SEM1: variants seen among roughly 807,000 people sequenced by gnomAD.
The protein encoded by SEM1 is SEM1 26S proteasome subunit.
Under a neutral mutation model 12.7 loss-of-function variants are expected in SEM1, and 3 were observed. The observed-to-expected ratio is 0.24, with a 90% CI of 0.11 to 0.61. The LOEUF is 0.61. Among genes scored for constraint, SEM1 ranks in the 20% least tolerant of loss-of-function variants. The pLI, the probability that SEM1 is intolerant of heterozygous loss-of-function variation, is 0.88. For missense variants in SEM1, 59 were observed against 81.3 expected, an observed-to-expected ratio of 0.73 and a Z score of 1.06; for synonymous variants, 30 against 27.8, an observed-to-expected ratio of 1.08 and a Z score of -0.25.
intron 2 of SEM1, among the ~76,000 whole-genome samples, chr7:96,643,326 C>A (rs965843149): frequency 6.7e-5 from 10 of 150,242 alleles, no homozygotes; most frequent in Non-Finnish European, 1.3e-4. Context: ...TGTATACGTA[C>A]CATATTTTCT....
intron 2 of SEM1, among the ~76,000 whole-genome samples, chr7:96,581,305 G>C (rs181523328): frequency 5.9e-5 from 9 of 152,046 alleles, no homozygotes; most frequent in Non-Finnish European, 8.8e-5. Flanking sequence ...ATTTCTGAGG[G>C]CTCTGTCCTG....
chr7:96,632,951 G>T (rs1421512423), intron 2 of SEM1, among the ~76,000 whole-genome samples: 1 of 151,822 alleles, frequency 6.6e-6, no homozygotes, highest in Non-Finnish European at 1.5e-5. Context: ...TAATTTCTAA[G>T]CAAAGTTTGA....
chr7:96,707,382 G>A (rs552097139), intron 1 of SEM1, among the ~76,000 whole-genome samples: 3 of 152,272 alleles, frequency 2.0e-5, no homozygotes, highest in Admixed American at 6.5e-5. Flanking sequence ...CACCTTGTGG[G>A]ATGATTTTCT....
At chr7:96,708,979 A>G (rs1790558493) in intron 1 of SEM1, among the ~76,000 whole-genome samples, 1 of 152,194 alleles carries the variant, frequency 6.6e-6, no homozygotes, top group African/African-American at 2.4e-5. Flanking sequence ...GTTCTTTTAA[A>G]AAAATATTTT....
chr7:96,504,872 T>A (rs1389237048), intron 3 of SEM1, among the ~76,000 whole-genome samples: 2 of 151,820 alleles, frequency 1.3e-5, no homozygotes, highest in African/African-American at 4.8e-5. Context: ...GTAATTTACT[T>A]GTTGAAGACA....
intron 2 of SEM1, among the ~76,000 whole-genome samples, chr7:96,545,108 A>G (rs1427068022): frequency 4.6e-5 from 7 of 151,978 alleles, no homozygotes; most frequent in Non-Finnish European, 1.0e-4. Flanking sequence ...TCTGGATTTG[A>G]GGAGAATCAG....
At chr7:96,576,751 A>G (rs1033159817) in intron 2 of SEM1, among the ~76,000 whole-genome samples, 11 of 152,036 alleles carry the variant, frequency 7.2e-5, no homozygotes, top group Admixed American at 7.2e-4. Flanking sequence ...TTTAAATGCA[A>G]TTCTGAATTC....
At chr7:96,708,842 G>A (rs539991881) in intron 1 of SEM1, among the ~76,000 whole-genome samples, 4 of 152,020 alleles carry the variant, frequency 2.6e-5, no homozygotes, top group Non-Finnish European at 5.9e-5. Context: ...GCTATTACAA[G>A]TAAAGCACTT....
intron 2 of SEM1, among the ~76,000 whole-genome samples, chr7:96,532,641 C>A (rs1033173670): frequency 1.3e-5 from 2 of 152,104 alleles, no homozygotes; most frequent in Non-Finnish European, 2.9e-5. Context: ...TCTTCCATAA[C>A]ATGCTTAGCC....
intron 2 of SEM1, chr7:96,645,425 A>C (rs904442044): frequency 4.6e-6 from 1 of 215,348 alleles, no homozygotes; most frequent in African/African-American, 2.3e-5. Flanking sequence ...TCAGGGAAGT[A>C]TTTCCAAGGA....
intron 2 of SEM1, among the ~76,000 whole-genome samples, chr7:96,510,961 G>A (rs960565050): frequency 1.3e-5 from 2 of 152,098 alleles, no homozygotes; most frequent in African/African-American, 4.8e-5. Flanking sequence ...GGGCTGTCAT[G>A]AAGAGATTGC....
At chr7:96,650,264 T>C (rs1181653490) in intron 2 of SEM1, 2 of 450,614 alleles carry the variant, frequency 4.4e-6, no homozygotes, top group Non-Finnish European at 7.8e-6. Flanking sequence ...GAACAAACTA[T>C]GGGAAATTCC....
At chr7:96,690,561 T>C (rs1015924890) in intron 2 of SEM1, among the ~76,000 whole-genome samples, 2 of 151,694 alleles carry the variant, frequency 1.3e-5, no homozygotes, top group African/African-American at 2.4e-5. Flanking sequence ...AAGACAAAAA[T>C]AGAAAACCTC....
At chr7:96,554,079 C>T (rs1424523380) in intron 2 of SEM1, among the ~76,000 whole-genome samples, 1 of 151,556 alleles carries the variant, frequency 6.6e-6, no homozygotes, top group African/African-American at 2.4e-5. Flanking sequence ...TGCTTATCAG[C>T]TTAAGGAGAT....
intron 2 of SEM1, among the ~76,000 whole-genome samples, chr7:96,485,061 C>T (rs931763997): frequency 6.6e-6 from 1 of 152,166 alleles, no homozygotes; most frequent in African/African-American, 2.4e-5. Flanking sequence ...CCATGTTCAG[C>T]TCAAACAAAC....
chr7:96,681,541 C>T (rs1272204922), intron 2 of SEM1, among the ~76,000 whole-genome samples: 1 of 151,964 alleles, frequency 6.6e-6, no homozygotes, highest in African/African-American at 2.4e-5. Flanking sequence ...GTCTTTAATC[C>T]ATCTTGAGTT....
intron 2 of SEM1, among the ~76,000 whole-genome samples, chr7:96,585,967 C>T (rs1296029349): frequency 6.6e-6 from 1 of 152,154 alleles, no homozygotes; most frequent in South Asian, 2.1e-4. Flanking sequence ...CGGAGCTGTT[C>T]CTATTACTCA....
intron 2 of SEM1, among the ~76,000 whole-genome samples, chr7:96,556,934 A>T (rs1428307370): frequency 6.8e-6 from 1 of 147,306 alleles, no homozygotes; most frequent in African/African-American, 2.5e-5. Flanking sequence ...GCTTCATTTC[A>T]TTCATTTCAT....
At position 96,615,239 on chromosome 7, in the gene SEM1, A is replaced by ATTTTTTTTTTTTTTTTTT. The variant is rs1421596853; in HGVS notation, c.170+79558_170+79559insAAAAAAAAAAAAAAAAAA. On this transcript the variant is annotated intron_variant and NMD_transcript_variant, in intron 2 of 3. Coordinates refer to the SEM1 transcript ENST00000466986. ...GGACTGTTGGGTTATTTTTTGAGTC[A>ATTTTTTTTTTTTTTTTTT]TCTTTTTTTTTTTTTTTTTTTTTTT... Among the ~76,000 whole-genome samples, 8 of 98,154 alleles carry ATTTTTTTTTTTTTTTTTT rather than the reference A, an allele frequency of 8.2e-5. 1 individual carries two copies. Among genetic ancestry groups the ATTTTTTTTTTTTTTTTTT allele is most frequent in the African/African-American group, 8.4e-5 (2 of 23,778 alleles). The allele number at this position is 98,154 out of a possible 152,430, so 64.4% of individuals were successfully genotyped here. A position where few individuals can be genotyped will look rare whatever the true frequency, so the allele number is the denominator to read the frequency against.
Sources: allele counts gnomAD v4.1 joint callset (sites outside exome capture counted in the v4.1 genomes callset), GRCh38; gene constraint gnomAD v4.1.1; transcripts MANE v1.5; gene names NCBI Gene and HGNC (gene_info 2026-07-23, HGNC 2026-07-21).